The following NFIX variants were observed in gnomAD, a reference collection of about 807,000 sequenced individuals.
NFIX encodes nuclear factor 1 X-type.
NFIX carries 2 observed loss-of-function variants against 53.3 expected under a neutral mutation model. The ratio of observed to expected loss-of-function variants is 0.04; its 90% CI spans 0.02 to 0.12. The LOEUF is 0.12. Among genes scored for constraint, NFIX ranks in the 10% least tolerant of loss-of-function variants. The pLI is 1.00. For synonymous variants in NFIX, 244 were observed against 289.0 expected (o/e 0.84, Z 1.58); for missense variants, 310 against 674.5 (o/e 0.46, Z 5.99).
chr19:13,024,634 A>G (rs1294412582), intron 1 of NFIX: 2 of 1,536,204 alleles, frequency 1.3e-6, no homozygotes, highest in Admixed American at 2.0e-5. Context: ...GCGATAGAAC[A>G]TGGAGATGTC....
intron 5 of NFIX, among the ~76,000 whole-genome samples, chr19:13,074,931 G>C (rs1372459056): frequency 6.6e-6 from 1 of 151,618 alleles, no homozygotes; most frequent in Admixed American, 6.6e-5. Context: ...TTAGCCAGGC[G>C]TGGTGGTGGG....
At chr19:13,039,240 A>G (rs1201100837) in intron 2 of NFIX, among the ~76,000 whole-genome samples, 1 of 146,340 alleles carries the variant, frequency 6.8e-6, no homozygotes, top group African/African-American at 2.7e-5. Context: ...ACACACACAC[A>G]TACACGTGTG....
rs560349197 is a variant in NFIX, at chr19:13,067,457, T to C, written c.560-5590T>C. ...GTGGTTAGTGGCACCTCCGTGTGTGTGCGCGCGTGTGTGTGTGTGTGTGTG... is the reference window on the plus strand; with the variant it reads ...GTGGTTAGTGGCACCTCCGTGTGTGCGCGCGCGTGTGTGTGTGTGTGTGTG... On this transcript the variant is annotated intron_variant, in intron 2 of 10. Coordinates refer to ENST00000592199, the MANE Select transcript of NFIX (RefSeq NM_001365902.3). This position sits in a 1 kb window ranked among gnomAD's most constrained non-coding sequence, Gnocchi z 4.2. Among the ~76,000 whole-genome samples, 18 of 144,706 alleles carry C rather than the reference T, an allele frequency of 1.2e-4. No individual in the cohort carries two copies. Among genetic ancestry groups the C allele is most frequent in the African/African-American group, 3.2e-4 (12 of 37,468 alleles). The allele number at this position is 144,706 out of a possible 152,430, so 94.9% of individuals were successfully genotyped here. A position where few individuals can be genotyped will look rare whatever the true frequency, so the allele number is the denominator to read the frequency against.
chr19:13,081,620 C>T lies in NFIX; in HGVS notation c.1079-60C>T. The T allele has an allele frequency of 3.2e-6, 5 of 1,557,986 alleles. No homozygotes were observed. Among genetic ancestry groups the T allele is most frequent in the South Asian group, 1.2e-5 (1 of 84,522 alleles). ...CCGGCAGCTCCCCTCCTCTCCTGTC[C>T]CTCCCACTGGCTGCCTCCTTGGCCC... is the stretch of plus-strand genomic sequence containing the variant. On this transcript the variant is annotated intron_variant, in intron 7 of 10. Coordinates refer to ENST00000592199, the MANE Select transcript of NFIX (RefSeq NM_001365902.3). The surrounding 1 kb of genome is among the most constrained non-coding windows in gnomAD (Gnocchi z 4.7).
rs181391756 is a variant in NFIX at position 13,068,053 on chromosome 19, C to T, written c.560-4994C>T. On this transcript the variant is annotated intron_variant, in intron 2 of 10. Transcript: ENST00000592199. The surrounding 1 kb of genome is among the most constrained non-coding windows in gnomAD (Gnocchi z 4.2). Reference sequence around the variant, plus strand: ...CCAGGAGGTGGGGCTTGCAGTGAGCCGAGATCGCACCACTGCACTCCAGCC... The same window carrying T: ...CCAGGAGGTGGGGCTTGCAGTGAGCTGAGATCGCACCACTGCACTCCAGCC... 3.3e-5 allele frequency among the ~76,000 whole-genome samples: 5 copies of T among 151,474 alleles called. No homozygotes were observed. Among genetic ancestry groups the T allele is most frequent in the East Asian group, 1.9e-4 (1 of 5,160 alleles).
chr19:13,095,581 G>C lies in NFIX; in HGVS notation c.*932G>C, dbSNP rs2018395165. 1 of 151,908 alleles carries C rather than the reference G, an allele frequency of 6.6e-6. No individual in the cohort carries two copies. Among genetic ancestry groups the C allele is most frequent in the Non-Finnish European group, 1.5e-5 (1 of 67,984 alleles). The allele number at this position is 151,908 out of a possible 1,614,324, so 9.4% of individuals were successfully genotyped here. Reference sequence around the variant, plus strand: ...CCCAGCCCTGCATGCAGGTGCCCTCGCTCCGCCCCATCAGTTCCTGCCCCT... The same window carrying C: ...CCCAGCCCTGCATGCAGGTGCCCTCCCTCCGCCCCATCAGTTCCTGCCCCT... On this transcript the variant is annotated 3_prime_UTR_variant, in exon 11 of 11. Coordinates refer to ENST00000592199, the MANE Select transcript of NFIX (RefSeq NM_001365902.3).
intron 1 of NFIX, among the ~76,000 whole-genome samples, chr19:13,023,628 TTC>T (rs1348393580): frequency 6.8e-6 from 1 of 147,974 alleles, no homozygotes; most frequent in African/African-American, 2.4e-5. Flanking sequence ...TTGCATTTTT[TTC>T]TTTTTTTTTT....
At chr19:13,033,057 C>T (rs994415062) in intron 2 of NFIX, among the ~76,000 whole-genome samples, 21 of 151,678 alleles carry the variant, frequency 1.4e-4, no homozygotes, top group East Asian at 5.8e-4. Context: ...GGTTGGCAGA[C>T]GGGAGGAGGA....
At chr19:13,082,043 G>C in intron 8 of NFIX, 188 bp downstream of exon 8, 1 of 647,250 alleles carries the variant, frequency 1.5e-6, no homozygotes, top group Non-Finnish European at 2.6e-6. Context: ...TTATGCCAGG[G>C]CTTGTCTATC....
At chr19:13,058,231 T>C (rs920912465) in intron 2 of NFIX, among the ~76,000 whole-genome samples, 3 of 152,106 alleles carry the variant, frequency 2.0e-5, no homozygotes, top group African/African-American at 7.2e-5. Context: ...GCAGGACACC[T>C]TTCCAGGGAT....
rs1270728440 is a variant in NFIX at position 13,096,173 on chromosome 19, C to G, written c.*1524C>G. The G allele has an allele frequency of 6.5e-6, 1 of 153,052 alleles. No homozygotes were observed. Among genetic ancestry groups the G allele is most frequent in the Non-Finnish European group, 1.5e-5 (1 of 68,352 alleles). The allele number at this position is 153,052 out of a possible 1,614,324, so 9.5% of individuals were successfully genotyped here. A position where few individuals can be genotyped will look rare whatever the true frequency, so the allele number is the denominator to read the frequency against. ...GCCTTACTCCTCCTCCTGCGTCTCC[C>G]GTTCCTGGCCCCTTCTTGAGTCCTT... On this transcript the variant is annotated 3_prime_UTR_variant, in exon 11 of 11. Coordinates refer to ENST00000592199, the MANE Select transcript of NFIX (RefSeq NM_001365902.3).
intron 8 of NFIX, among the ~76,000 whole-genome samples, chr19:13,087,774 C>CAAAAAA (rs1157966190): frequency 2.3e-4 from 6 of 26,392 alleles, no homozygotes; most frequent in African/African-American, 5.4e-4. Flanking sequence ...AAAAGAGGAC[C>CAAAAAA]AAAAAAAAAA....
rs1039226244 is a variant in NFIX, at chr19:13,090,442, G to A, written c.1494+52G>A. 4 of 1,528,866 alleles carry A rather than the reference G, an allele frequency of 2.6e-6. No individual in the cohort carries two copies. Among genetic ancestry groups the A allele is most frequent in the South Asian group, 1.1e-5 (1 of 89,416 alleles). 94.7% of individuals were successfully genotyped at this position (1,528,866 alleles called of 1,614,324 possible). On this transcript the variant is annotated intron_variant, in intron 10 of 10. Coordinates refer to ENST00000592199, the MANE Select transcript of NFIX (RefSeq NM_001365902.3). The surrounding 1 kb of genome is among the most constrained non-coding windows in gnomAD (Gnocchi z 6.6). ...TGCAGGGACCAGGGGAGTAGTCAGG[G>A]TTGGGGGGCATCTTGGTGTTAGGGA...
chr19:13,080,474 C>T (rs948413692), intron 7 of NFIX, among the ~76,000 whole-genome samples: 4 of 152,206 alleles, frequency 2.6e-5, no homozygotes, highest in African/African-American at 9.6e-5. Context: ...ATCCTCCCAC[C>T]TTGGCCTCCC....
rs1163785587 is a variant in NFIX at position 13,081,245 on chromosome 19, C to T, written c.1079-435C>T. The stretch of plus-strand genomic sequence containing the variant: ...GCATGAGCCCAGGAGGATTGCTTGC[C>T]GTGATCCGTGTTTGTGCCACTGCAC... On this transcript the variant is annotated intron_variant, in intron 7 of 10. Coordinates refer to ENST00000592199, the MANE Select transcript of NFIX (RefSeq NM_001365902.3). The surrounding 1 kb of genome is among the most constrained non-coding windows in gnomAD (Gnocchi z 4.7). 8.0e-5 allele frequency among the ~76,000 whole-genome samples: 12 copies of T among 150,262 alleles called. No individual in the cohort carries two copies. The highest frequency in any genetic ancestry group is 2.7e-4 in the African/African-American group (11 of 40,684).
intron 1 of NFIX, among the ~76,000 whole-genome samples, chr19:12,997,095 C>T (rs1179873810): frequency 6.6e-6 from 1 of 152,262 alleles, no homozygotes; most frequent in African/African-American, 2.4e-5. Context: ...TCTGCCCAGC[C>T]TGATCCTTGT....
At position 13,084,769 on chromosome 19, in the gene NFIX, A is replaced by G. The variant is rs892348486; in HGVS notation, c.1254+2914A>G. Among the ~76,000 whole-genome samples, 3 of 152,024 alleles carry G rather than the reference A, an allele frequency of 2.0e-5. No homozygotes were observed. In the East Asian group the frequency reaches 5.8e-4, roughly 29 times the overall value. On this transcript the variant is annotated intron_variant, in intron 8 of 10. Coordinates refer to ENST00000592199, the MANE Select transcript of NFIX (RefSeq NM_001365902.3). ...CAGCCAGGCCCACGTGTTTATCTGT[A>G]AGGTGAAAGTGAGGAGCTGGTCGGG...
intron 8 of NFIX, among the ~76,000 whole-genome samples, chr19:13,086,693 G>A (rs2145496750): frequency 6.6e-6 from 1 of 152,294 alleles, no homozygotes. Flanking sequence ...AATTACCCCT[G>A]GGTGAGAACT....
rs35785662 is a variant in NFIX, at chr19:13,042,355, C to CTTTT, written c.559+16820_559+16823dup. Among the ~76,000 whole-genome samples the CTTTT allele has an allele frequency of 4.7e-4, 47 of 100,574 alleles. 2 individuals are homozygous for CTTTT. The highest frequency in any genetic ancestry group is 9.3e-3 in the Middle Eastern group (1 of 108). 66.0% of individuals were successfully genotyped at this position (100,574 alleles called of 152,430 possible). A position where few individuals can be genotyped will look rare whatever the true frequency, so the allele number is the denominator to read the frequency against. ...AAAAATAAAAACATGCTTTTACATG[C>CTTTT]TTTTTTTTTTTTTTTTTTTTGGAGA... On this transcript the variant is annotated intron_variant, in intron 2 of 10. Transcript: ENST00000592199.
Sources: gnomAD v4.1 joint callset for allele counts (sites outside exome capture counted in the v4.1 genomes callset) on GRCh38, gnomAD v4.1.1 for gene constraint, Gnocchi (gnomAD v3.1) non-coding constraint, MANE v1.5 for transcripts, NCBI Gene and HGNC (gene_info 2026-07-23, HGNC 2026-07-21) for gene names.